The following TRIM16 variants were observed in gnomAD, a reference collection of about 807,000 sequenced individuals.
TRIM16 encodes tripartite motif containing 16.
Under a neutral mutation model 50.4 loss-of-function variants are expected in TRIM16, and 33 were observed. That is an observed-to-expected ratio of 0.65 (90% CI 0.50 to 0.88). The LOEUF is 0.88. TRIM16 is among the 40% of genes least tolerant of loss of function. The pLI, the probability that TRIM16 is intolerant of heterozygous loss-of-function variation, is 0.00. For missense variants in TRIM16, 581 were observed against 686.8 expected (o/e 0.85, Z 1.72); for synonymous variants, 229 against 270.7 (o/e 0.85, Z 1.51).
At chr17:15,639,045 CTTTT>C (rs529832460) in intron 8 of TRIM16, among the ~76,000 whole-genome samples, 2 of 100,908 alleles carry the variant, frequency 2.0e-5, no homozygotes, top group African/African-American at 1.1e-4. Flanking sequence ...TTCTCTCTCT[CTTTT>C]TTTTTTTTTT....
Position 15,651,255 on chromosome 17 carries a change from G to A in TRIM16, c.355C>T (p.Leu119=). ...TTGTGGTCCTTCACTGGCTCGGTCA[G>A]CAGGTGGCTTTGCAGTTTGATGTTC... ...QVNIKLQSHL[L]TEPVKDHNWR... is the part of the protein sequence containing the mutation. Residue 119 remains leucine, a synonymous_variant, in exon 7 of 12, where the codon CTG becomes TTG. Transcript: ENST00000649191. 12 of 1,614,260 alleles carry A rather than the reference G, an allele frequency of 7.4e-6. No homozygotes were observed. The highest frequency in any genetic ancestry group is 1.0e-5 in the Non-Finnish European group (12 of 1,180,048).
At chr17:15,667,158 T>C (rs1009527187) in intron 6 of TRIM16, among the ~76,000 whole-genome samples, 3 of 152,092 alleles carry the variant, frequency 2.0e-5, no homozygotes, top group African/African-American at 7.2e-5. Context: ...TTCAGGGATG[T>C]GTGAGGTCAA....
chr17:15,647,141 A>G (rs1468787103), intron 7 of TRIM16, among the ~76,000 whole-genome samples: 1 of 141,232 alleles, frequency 7.1e-6, no homozygotes, highest in East Asian at 2.1e-4. Flanking sequence ...TAATTTTTGT[A>G]TTTTTTTTTT....
At position 15,651,741 on chromosome 17, in the gene TRIM16, A is replaced by T. The variant is rs1001572841; in HGVS notation, c.-132T>A. The T allele has an allele frequency of 6.6e-7, 1 of 1,521,834 alleles. No individual in the cohort carries two copies. Among genetic ancestry groups the T allele is most frequent in the Non-Finnish European group, 8.8e-7 (1 of 1,140,376 alleles). The allele number at this position is 1,521,834 out of a possible 1,614,324, so 94.3% of individuals were successfully genotyped here. ...AGATTTTAACTGTTTCCTCCCTCCC[A>T]GAGGAAGCTCGGCCACTCATTACTG... is the stretch of plus-strand genomic sequence containing the variant. On this transcript the variant is annotated 5_prime_UTR_variant, in exon 7 of 12. Transcript: ENST00000649191.
At chr17:15,665,328 T>A (rs1158652831) in intron 6 of TRIM16, among the ~76,000 whole-genome samples, 2 of 151,898 alleles carry the variant, frequency 1.3e-5, no homozygotes, top group South Asian at 2.1e-4. Context: ...GCTAACCCAG[T>A]GAAACCCCAT....
rs182033441 is a variant in TRIM16 at position 15,670,410 on chromosome 17, C to A, written c.-338+6766G>T. On this transcript the variant is annotated intron_variant, in intron 6 of 11. Coordinates refer to ENST00000649191, the MANE Select transcript of TRIM16 (RefSeq NM_001348119.1). ...CTCAATCAGCCGCTAATTTCCCCCA[C>A]GTCGAAGCGTCCCTATGCCCATTGC... 5.2e-3 allele frequency among the ~76,000 whole-genome samples: 790 copies of A among 152,252 alleles called. 1 individual carries two copies. The highest frequency in any genetic ancestry group is 8.8e-3 in the Non-Finnish European group (599 of 68,018).
At chr17:15,640,123 C>T (rs1017982194) in intron 8 of TRIM16, among the ~76,000 whole-genome samples, 1 of 149,264 alleles carries the variant, frequency 6.7e-6, no homozygotes, top group Non-Finnish European at 1.5e-5. Flanking sequence ...AGGTTTGAAC[C>T]AAGACTGTCT....
rs1465132014 is a variant in TRIM16, at chr17:15,642,761, T to C, written c.575A>G (p.Asn192Ser). 4 of 820,842 alleles carry C rather than the reference T, an allele frequency of 4.9e-6. No individual in the cohort carries two copies. Among genetic ancestry groups the C allele is most frequent in the Non-Finnish European group, 7.4e-6 (4 of 541,194 alleles). The allele number at this position is 820,842 out of a possible 1,614,324, so 50.8% of individuals were successfully genotyped here. The change falls in exon 8 of 12, where the codon AAT (asparagine) becomes AGT (serine). Residue 192 changes from asparagine to serine, a missense_variant. This residue lies in a region of TRIM16 where 450 missense variants were observed against 544.3 expected (regional missense o/e 0.83). Coordinates refer to ENST00000649191, the MANE Select transcript of TRIM16 (RefSeq NM_001348119.1). ...GTTAGCCTGGAGCCTGGAGATGGCA[T>C]TTTCATTCAACTTGAGTTTCCGCTC... ...DLERKLKLNENAISRLQANQK... is the reference protein window; with the variant it reads ...DLERKLKLNESAISRLQANQK...
At chr17:15,645,244 T>C (rs1422548806) in intron 7 of TRIM16, among the ~76,000 whole-genome samples, 2 of 152,238 alleles carry the variant, frequency 1.3e-5, no homozygotes, top group Non-Finnish European at 2.9e-5. Flanking sequence ...CAATAAGAAC[T>C]TTGTATAGTA....
Position 15,642,772 on chromosome 17 carries a change from C to T in TRIM16, c.564G>A (p.Lys188=). The part of the protein sequence containing the change: ...CTQLDLERKL[K]LNENAISRLQ... ...GCCTGGAGATGGCATTTTCATTCAACTTGAGTTTCCGCTCCAAGTCTAACT... is the reference window on the plus strand; with the variant it reads ...GCCTGGAGATGGCATTTTCATTCAATTTGAGTTTCCGCTCCAAGTCTAACT... The change falls in exon 8 of 12, where the codon AAG becomes AAA. Residue 188 remains lysine, a synonymous_variant. Coordinates refer to ENST00000649191, the MANE Select transcript of TRIM16 (RefSeq NM_001348119.1). 1.3e-6 allele frequency: 1 copy of T among 787,818 alleles called. No individual in the cohort carries two copies. The highest frequency in any genetic ancestry group is 2.0e-6 in the Non-Finnish European group (1 of 510,970). 48.8% of individuals were successfully genotyped at this position (787,818 alleles called of 1,614,324 possible).
intron 7 of TRIM16, among the ~76,000 whole-genome samples, chr17:15,648,334 T>G (rs1228030097): frequency 6.7e-6 from 1 of 149,046 alleles, no homozygotes; most frequent in Admixed American, 6.7e-5. Context: ...CCATGAAAAA[T>G]AGCTGGGCTC....
intron 4 of TRIM16, among the ~76,000 whole-genome samples, chr17:15,678,952 C>G (rs527381126): frequency 6.7e-6 from 1 of 150,210 alleles, no homozygotes; most frequent in Non-Finnish European, 1.5e-5. Flanking sequence ...CTCGGCTTAC[C>G]GCAACCTCCA....
rs1276651761 is a variant in TRIM16 at position 15,639,049 on chromosome 17, T to C, written c.616-2780A>G. ...ATCTCCCTACATTCTCTCTCTCTTT[T>C]TTTTTTTTTTTTTTTTTTTTTTTAG... On this transcript the variant is annotated intron_variant, in intron 8 of 11. Transcript: ENST00000649191. 2.6e-3 allele frequency among the ~76,000 whole-genome samples: 331 copies of C among 125,014 alleles called. 9 individuals carry two copies. Among genetic ancestry groups the C allele is most frequent in the Non-Finnish European group, 4.0e-3 (237 of 59,222 alleles). 82.0% of individuals were successfully genotyped at this position (125,014 alleles called of 152,430 possible). A position where few individuals can be genotyped will look rare whatever the true frequency, so the allele number is the denominator to read the frequency against.
intron 6 of TRIM16, among the ~76,000 whole-genome samples, chr17:15,666,963 A>G (rs1421678844): frequency 3.9e-5 from 6 of 152,184 alleles, no homozygotes; most frequent in Non-Finnish European, 8.8e-5. Flanking sequence ...CAGTCTAATA[A>G]TCTCTGCCTT....
chr17:15,649,595 T>C (rs1228115362), intron 7 of TRIM16, among the ~76,000 whole-genome samples: 1 of 152,214 alleles, frequency 6.6e-6, no homozygotes. Flanking sequence ...TGGTGGAGAT[T>C]ATTTTTTAAC....
chr17:15,682,305 A>C (rs958054032), intron 3 of TRIM16, among the ~76,000 whole-genome samples: 21 of 152,212 alleles, frequency 1.4e-4, no homozygotes, highest in Non-Finnish European at 2.5e-4. Context: ...CAACTTCCCC[A>C]CAAGATGCCT....
chr17:15,660,959 A>G (rs1304705139), intron 6 of TRIM16, among the ~76,000 whole-genome samples: 1 of 152,082 alleles, frequency 6.6e-6, no homozygotes, highest in Admixed American at 6.5e-5. Context: ...TGAGAGCAAA[A>G]TAACCACTGC....
rs763358510 is a variant in TRIM16 at position 15,636,269 on chromosome 17, C to A, written c.616G>T (p.Val206Leu). 1 of 1,608,470 alleles carries A rather than the reference C, an allele frequency of 6.2e-7. No individual in the cohort carries two copies. Among genetic ancestry groups the A allele is most frequent in the South Asian group, 1.1e-5 (1 of 90,098 alleles). Residue 206 changes from valine (V) to leucine (L), a missense_variant and splice_region_variant, in exon 9 of 12, where the codon GTG (valine) becomes TTG (leucine). This residue lies in a region of TRIM16 where 450 missense variants were observed against 544.3 expected (regional missense o/e 0.83). Coordinates refer to ENST00000649191, the MANE Select transcript of TRIM16 (RefSeq NM_001348119.1). Reference protein sequence around the residue: ...RLQANQKSVLVSVSEVKAVAE... With the variant: ...RLQANQKSVLLSVSEVKAVAE... Reference sequence around the variant, plus strand: ...ACCGCTTTGACCTCTGACACCGACACCTGGCAGGGGGTGGGGGTGGAAGGC... The same window carrying A: ...ACCGCTTTGACCTCTGACACCGACAACTGGCAGGGGGTGGGGGTGGAAGGC...
chr17:15,644,977 G>A (rs895498743), intron 7 of TRIM16, among the ~76,000 whole-genome samples: 11 of 151,798 alleles, frequency 7.2e-5, no homozygotes, highest in Admixed American at 2.6e-4. Context: ...CGCCACACCC[G>A]GTTAATTTTT....
Sources: gnomAD v4.1 joint callset for allele counts (sites outside exome capture counted in the v4.1 genomes callset) on GRCh38, gnomAD v4.1.1 for gene constraint, gnomAD v4.1.1 regional missense constraint, MANE v1.5 for transcripts, NCBI Gene and HGNC (gene_info 2026-07-23, HGNC 2026-07-21) for gene names.